CCDC201: variants seen among roughly 807,000 people sequenced by gnomAD.
CCDC201 encodes coiled-coil domain-containing protein 201.
At chr7:45,866,529 A>T (rs1786674148) in intron 1 of CCDC201, 35 bp from the exon 2 acceptor site, 1 of 152,164 alleles carries the variant, frequency 6.6e-6, no homozygotes, top group Admixed American at 6.5e-5. Flanking sequence ...AGTCCTAGAA[A>T]GTCCTGGGGA....
chr7:45,864,292 C>G (rs905836807), intron 2 of CCDC201, among the ~76,000 whole-genome samples: 1 of 152,164 alleles, frequency 6.6e-6, no homozygotes, highest in African/African-American at 2.4e-5. Context: ...TGGGATGCTC[C>G]ATCGGGAGCA....
chr7:45,883,617 C>A, the CCDC201 span, among the ~76,000 whole-genome samples: 21 of 152,280 alleles, frequency 1.4e-4, no homozygotes, highest in African/African-American at 5.1e-4. Context: ...CCTTGAGCTA[C>A]GGCATGGACC....
chr7:45,883,516 G>T, the CCDC201 span, among the ~76,000 whole-genome samples: 21 of 152,096 alleles, frequency 1.4e-4, no homozygotes, highest in Admixed American at 9.8e-4. Context: ...TCAACCTTTG[G>T]GTGGTCAAAG....
rs147593875 is a variant in CCDC201 at position 45,864,017 on chromosome 7, T to C, written c.478-846A>G. On this transcript the variant is annotated intron_variant, in intron 2 of 2. Transcript: ENST00000636578. ...TGGGGTCTGCAAGATCCCATGATCA[T>C]CTGGTAGGAGGACCAGCGAATTCCC... 6.2e-4 allele frequency among the ~76,000 whole-genome samples: 95 copies of C among 152,162 alleles called. 1 individual carries two copies. Among genetic ancestry groups the C allele is most frequent in the African/African-American group, 2.1e-3 (87 of 41,508 alleles).
intron 1 of CCDC201, among the ~76,000 whole-genome samples, chr7:45,867,070 C>T (rs2116519863): frequency 6.6e-6 from 1 of 152,328 alleles, no homozygotes; most frequent in African/African-American, 2.4e-5. Context: ...GAATCATGCT[C>T]CTGCACTCAC....
At chr7:45,866,872 C>T (rs758935943) in intron 1 of CCDC201, among the ~76,000 whole-genome samples, 9 of 152,040 alleles carry the variant, frequency 5.9e-5, no homozygotes, top group Non-Finnish European at 1.2e-4. Flanking sequence ...GACTTGTAGA[C>T]TCACAACATA....
chr7:45,878,447 T>C, the CCDC201 span, among the ~76,000 whole-genome samples: 1 of 152,202 alleles, frequency 6.6e-6, no homozygotes, highest in Non-Finnish European at 1.5e-5. Context: ...TTTCCATACA[T>C]CCTCTGAAAT....
chr7:45,868,288 A>G (rs951069368), intron 1 of CCDC201, among the ~76,000 whole-genome samples: 3 of 152,296 alleles, frequency 2.0e-5, no homozygotes, highest in South Asian at 2.1e-4. Flanking sequence ...TGTCCTCCAG[A>G]TACAGAATAG....
chr7:45,875,427 G>T (rs1246325819), upstream of CCDC201, among the ~76,000 whole-genome samples: 1 of 139,114 alleles, frequency 7.2e-6, no homozygotes, highest in South Asian at 2.2e-4. Flanking sequence ...CCCGGGAGGA[G>T]GAGGCTTCAG....
At chr7:45,863,720 C>T (rs1786630704) in intron 2 of CCDC201, among the ~76,000 whole-genome samples, 1 of 152,148 alleles carries the variant, frequency 6.6e-6, no homozygotes, top group African/African-American at 2.4e-5. Flanking sequence ...GTGGCTGAGT[C>T]AGATCACGTG....
the CCDC201 span, among the ~76,000 whole-genome samples, chr7:45,878,284 G>C: frequency 6.6e-6 from 1 of 152,300 alleles, no homozygotes; most frequent in East Asian, 1.9e-4. Flanking sequence ...TCTGGAGAAT[G>C]GTGACCCTCT....
chr7:45,873,263 C>A (rs1333720478), upstream of CCDC201, among the ~76,000 whole-genome samples: 1 of 146,194 alleles, frequency 6.8e-6, no homozygotes, highest in Admixed American at 6.9e-5. Flanking sequence ...TGGCTGGGCA[C>A]TTGCGCCCCA....
the CCDC201 span, among the ~76,000 whole-genome samples, chr7:45,882,770 C>T: frequency 9.8e-4 from 150 of 152,292 alleles, no homozygotes; most frequent in African/African-American, 8.9e-4. Context: ...ATTTGCAATG[C>T]GGCAGGAGGT....
intron 1 of CCDC201, among the ~76,000 whole-genome samples, chr7:45,867,487 A>C (rs1786691025): frequency 6.6e-6 from 1 of 152,220 alleles, no homozygotes. Context: ...AAAAAACTGG[A>C]ACTTTTCTAA....
chr7:45,868,365 C>T (rs532717804), intron 1 of CCDC201, among the ~76,000 whole-genome samples: 2 of 152,324 alleles, frequency 1.3e-5, no homozygotes, highest in East Asian at 3.9e-4. Context: ...TATAATCTAA[C>T]TTCAGAAGTC....
At chr7:45,881,068 C>T in the CCDC201 span, among the ~76,000 whole-genome samples, 4 of 152,310 alleles carry the variant, frequency 2.6e-5, no homozygotes, top group Admixed American at 2.6e-4. Context: ...TCAAACAACA[C>T]CACATCTAAC....
exon 3 of CCDC201, chr7:45,861,383 A>G (rs1303876834): frequency 5.3e-5 from 8 of 151,188 alleles, no homozygotes; most frequent in African/African-American, 1.5e-4. Context: ...ACTTTTTAAT[A>G]GCTTATACAG....
In CCDC201 at chr7:45,868,064, C is replaced by T. The variant is rs1046606010; in HGVS notation, c.19-1570G>A. Reference sequence around the variant, plus strand: ...ATCTGTAATTGTAATTTCTATGGGTCAGGAATTTGGGAGCAGCCTCTCTGG... The same window carrying T: ...ATCTGTAATTGTAATTTCTATGGGTTAGGAATTTGGGAGCAGCCTCTCTGG... On this transcript the variant is annotated intron_variant, in intron 1 of 2. Transcript: ENST00000636578. Among the ~76,000 whole-genome samples the T allele has an allele frequency of 5.9e-5, 9 of 152,302 alleles. No homozygotes were observed. The East Asian group carries it at 1.4e-3, about 23-fold the overall frequency.
upstream of CCDC201, among the ~76,000 whole-genome samples, chr7:45,875,439 CAAA>C (rs34636507): frequency 8.5e-3 from 895 of 104,856 alleles, 8 homozygotes; most frequent in African/African-American, 0.029. Flanking sequence ...AGGCTTCAGT[CAAA>C]AAAAAAAAAA....
Sources: allele counts gnomAD v4.1 joint callset (sites outside exome capture counted in the v4.1 genomes callset), GRCh38; gene constraint gnomAD v4.1.1; transcripts MANE v1.5; gene names NCBI Gene and HGNC (gene_info 2026-07-23, HGNC 2026-07-21).